The following PARD3 variants were observed in gnomAD, a reference collection of about 807,000 sequenced individuals.
PARD3 encodes partitioning defective 3 homolog.
Under a neutral mutation model 155.4 loss-of-function variants are expected in PARD3, and 75 were observed. The ratio of observed to expected loss-of-function variants is 0.48; its 90% confidence interval spans 0.40 to 0.58. The LOEUF is 0.58. Among genes scored for constraint, PARD3 ranks in the 20% least tolerant of loss-of-function variants. The probability of loss-of-function intolerance (pLI) is 0.00; values close to 1 mark genes in which losing one functional copy is unlikely to be tolerated. For synonymous variants in PARD3, 576 were observed against 610.5 expected (o/e 0.94, Z 0.83); for missense variants, 1,642 against 1,721.7 (o/e 0.95, Z 0.82).
At chr10:34,553,916 G>C (rs117780606) in intron 2 of PARD3, among the ~76,000 whole-genome samples, 255 of 152,312 alleles carry the variant, frequency 1.7e-3, no homozygotes, top group Non-Finnish European at 3.1e-3. Context: ...ACCGCCTACT[G>C]CTGTTTTATG....
chr10:34,347,698 C>T (rs1357176434), intron 15 of PARD3, among the ~76,000 whole-genome samples: 1 of 152,122 alleles, frequency 6.6e-6, no homozygotes, highest in Admixed American at 6.5e-5. Context: ...CACTAGAAAA[C>T]ATTTCCATAT....
intron 22 of PARD3, among the ~76,000 whole-genome samples, chr10:34,222,878 T>G (rs12250568): frequency 0.017 from 2,554 of 152,264 alleles, 73 homozygotes; most frequent in African/African-American, 0.057. Context: ...CTCAGGACAC[T>G]CTCTGCTCCC....
At chr10:34,573,697 ACTCCGT>A (rs1484077112) in intron 2 of PARD3, among the ~76,000 whole-genome samples, 1 of 151,592 alleles carries the variant, frequency 6.6e-6, no homozygotes, top group African/African-American at 2.4e-5. Context: ...AGAGAACGAG[ACTCCGT>A]CTCAAAAACA....
chr10:34,159,849 G>C (rs1273867530), intron 22 of PARD3, among the ~76,000 whole-genome samples: 1 of 152,184 alleles, frequency 6.6e-6, no homozygotes, highest in African/African-American at 2.4e-5. Context: ...ACAGCTACTA[G>C]GAAACAGTGC....
chr10:34,506,280 T>G (rs1166407308), intron 3 of PARD3, among the ~76,000 whole-genome samples: 1 of 152,198 alleles, frequency 6.6e-6, no homozygotes, highest in Non-Finnish European at 1.5e-5. Flanking sequence ...TACCTCTGCT[T>G]GTCCTGAATT....
rs142877373 is a variant in PARD3 at position 34,798,560 on chromosome 10, C to G, written c.120+16316G>C. On this transcript the variant is annotated intron_variant, in intron 1 of 24. Coordinates refer to ENST00000374788, the MANE Select transcript of PARD3 (RefSeq NM_001184785.2). ...TCTCTACTAAAAATACAAAAATTAG[C>G]CAGATGTGGTGGTGGGTGCCTGTAA... 2.2e-3 allele frequency among the ~76,000 whole-genome samples: 331 copies of G among 151,930 alleles called. 1 individual carries two copies. The highest frequency in any genetic ancestry group is 3.4e-3 in the Middle Eastern group (1 of 294).
At chr10:34,428,241 A>G (rs888233389) in intron 5 of PARD3, among the ~76,000 whole-genome samples, 47 of 152,250 alleles carry the variant, frequency 3.1e-4, no homozygotes, top group Non-Finnish European at 5.0e-4. Context: ...TTAAAGCAGT[A>G]TGACTTATAG....
intron 1 of PARD3, among the ~76,000 whole-genome samples, chr10:34,746,256 A>T (rs1835317336): frequency 6.6e-6 from 1 of 151,952 alleles, no homozygotes; most frequent in African/African-American, 2.4e-5. Flanking sequence ...CAGCCTGGCC[A>T]ACAAAGTGAG....
intron 22 of PARD3, among the ~76,000 whole-genome samples, chr10:34,211,422 T>C (rs1951742673): frequency 6.6e-6 from 1 of 151,988 alleles, no homozygotes; most frequent in Non-Finnish European, 1.5e-5. Flanking sequence ...GAGTGGGGCA[T>C]ACGCAGAGAG....
intron 22 of PARD3, among the ~76,000 whole-genome samples, chr10:34,264,476 CACAGGTGATAAGAACT>C (rs1955193228): frequency 6.6e-6 from 1 of 152,152 alleles, no homozygotes; most frequent in Non-Finnish European, 1.5e-5. Context: ...ATTCACTTTT[CACAGGTGATAAGAACT>C]AGAAGAGCTG....
intron 1 of PARD3, among the ~76,000 whole-genome samples, chr10:34,704,523 A>G (rs2094334236): frequency 6.6e-6 from 1 of 152,222 alleles, no homozygotes; most frequent in Non-Finnish European, 1.5e-5. Context: ...TAGCACACAT[A>G]CGGTAGTGAA....
intron 2 of PARD3, among the ~76,000 whole-genome samples, chr10:34,667,193 A>T (rs1223832675): frequency 6.6e-6 from 1 of 152,210 alleles, no homozygotes; most frequent in Admixed American, 6.6e-5. Flanking sequence ...ACATAAGTTG[A>T]GAAATAGGTT....
intron 2 of PARD3, among the ~76,000 whole-genome samples, chr10:34,624,775 C>A (rs1452730784): frequency 6.6e-6 from 1 of 152,250 alleles, no homozygotes; most frequent in Non-Finnish European, 1.5e-5. Context: ...CTGATGTCAA[C>A]CAGGTGAGGG....
chr10:34,345,893 T>G (rs1312163351), intron 15 of PARD3: 1 of 985,214 alleles, frequency 1.0e-6, no homozygotes, highest in African/African-American at 1.7e-5. Context: ...AATTTTCAAA[T>G]TTGCAAAACA....
At chr10:34,616,127 T>A (rs2091237527) in intron 2 of PARD3, among the ~76,000 whole-genome samples, 1 of 152,104 alleles carries the variant, frequency 6.6e-6, no homozygotes, top group African/African-American at 2.4e-5. Context: ...GAGACCAGCC[T>A]GGCCAACATG....
At chr10:34,241,455 A>G (rs575359983) in intron 22 of PARD3, among the ~76,000 whole-genome samples, 1 of 152,194 alleles carries the variant, frequency 6.6e-6, no homozygotes, top group Non-Finnish European at 1.5e-5. Context: ...GGGAGGGCAC[A>G]GGGTGTCTAG....
At chr10:34,490,106 A>G (rs2079790490) in intron 3 of PARD3, among the ~76,000 whole-genome samples, 1 of 152,164 alleles carries the variant, frequency 6.6e-6, no homozygotes, top group Admixed American at 6.5e-5. Context: ...CATCACTGCC[A>G]TCACACGGTA....
At chr10:34,383,324 G>A (rs967259403) in intron 8 of PARD3, among the ~76,000 whole-genome samples, 6 of 149,602 alleles carry the variant, frequency 4.0e-5, no homozygotes, top group African/African-American at 1.2e-4. Flanking sequence ...TTCAAAGAAA[G>A]ACAGAGCTTT....
chr10:34,500,528 G>T (rs1365872708), intron 3 of PARD3, among the ~76,000 whole-genome samples: 1 of 152,056 alleles, frequency 6.6e-6, no homozygotes, highest in Admixed American at 6.6e-5. Flanking sequence ...GATCACCTGG[G>T]GTCAGGAGTT....
Sources: gnomAD v4.1 joint callset for allele counts (sites outside exome capture counted in the v4.1 genomes callset) on GRCh38, gnomAD v4.1.1 for gene constraint, MANE v1.5 for transcripts, NCBI Gene and HGNC (gene_info 2026-07-23, HGNC 2026-07-21) for gene names.